Variants in FBXO21 observed in about 807,000 individuals in gnomAD.
FBXO21 encodes the protein F-box only protein 21.
FBXO21 carries 32 observed loss-of-function variants against 76.6 expected under a neutral mutation model. The observed-to-expected ratio is 0.42, with a 90% confidence interval of 0.32 to 0.56. The LOEUF (loss-of-function observed/expected upper bound fraction) is 0.56, where lower values mean the gene tolerates loss of function less well. FBXO21 is among the 20% of genes least tolerant of loss of function. The probability of loss-of-function intolerance (pLI) is 0.16; values close to 1 mark genes in which losing one functional copy is unlikely to be tolerated. For synonymous variants in FBXO21, 328 were observed against 311.5 expected, an observed-to-expected ratio of 1.05 and a Z score of -0.56; for missense variants, 586 against 797.3, an observed-to-expected ratio of 0.73 and a Z score of 3.19.
intron 7 of FBXO21, among the ~76,000 whole-genome samples, chr12:117,169,051 T>C (rs912135202): frequency 3.3e-5 from 5 of 152,162 alleles, no homozygotes; most frequent in Non-Finnish European, 7.3e-5. Context: ...CTATTCACAA[T>C]AGCAAAGACC....
intron 11 of FBXO21, among the ~76,000 whole-genome samples, chr12:117,153,319 T>A (rs1247602081): frequency 1.3e-5 from 2 of 151,670 alleles, no homozygotes; most frequent in African/African-American, 4.8e-5. Flanking sequence ...GTGTCACTAG[T>A]GAGATGGGGC....
rs1337009001 is a variant in FBXO21, at chr12:117,189,248, T to G, written c.354A>C (p.Ser118=). Residue 118 remains serine (S), a synonymous_variant, in exon 2 of 12, where the codon TCA becomes TCC. Transcript: ENST00000622495. ...TTACGTGCTCTGAAAAGAACCTCTT[T>G]GAGAACGAGGCTACAATCTTCCGCG... ...LEARKIVASF[S]KRFFSEHVPC... is the part of the protein sequence containing the mutation. 1 of 1,614,190 alleles carries G rather than the reference T, an allele frequency of 6.2e-7. No homozygotes were observed. The highest frequency in any genetic ancestry group is 8.5e-7 in the Non-Finnish European group (1 of 1,180,032).
chr12:117,147,616 A>T (rs1468340170), intron 11 of FBXO21, among the ~76,000 whole-genome samples: 8 of 147,534 alleles, frequency 5.4e-5, no homozygotes, highest in Non-Finnish European at 1.5e-5. Context: ...AAAAAAAAAA[A>T]AAGAGATAAT....
chr12:117,189,911 T>C (rs969275115), intron 1 of FBXO21, among the ~76,000 whole-genome samples: 1 of 152,136 alleles, frequency 6.6e-6, no homozygotes, highest in South Asian at 2.1e-4. Flanking sequence ...CATGTAAACA[T>C]TTCAGCCCGA....
rs190761472 is a variant in FBXO21 at position 117,163,037 on chromosome 12, G to T, written c.1326+2448C>A. Reference sequence around the variant, plus strand: ...AGAGTTTTCCTTGGCTGTCTCAGGGGCCCTAGCGGGATTATGCATTTATTA... The same window carrying T: ...AGAGTTTTCCTTGGCTGTCTCAGGGTCCCTAGCGGGATTATGCATTTATTA... On this transcript the variant is annotated intron_variant, in intron 9 of 11. Transcript: ENST00000622495. Among the ~76,000 whole-genome samples, 110 of 152,288 alleles carry T rather than the reference G, an allele frequency of 7.2e-4. No homozygotes were observed. The East Asian group carries it at 0.014, about 19-fold the overall frequency.
intron 7 of FBXO21, among the ~76,000 whole-genome samples, chr12:117,170,603 CCT>C (rs1175571956): frequency 6.6e-6 from 1 of 152,112 alleles, no homozygotes; most frequent in Non-Finnish European, 1.5e-5. Flanking sequence ...CTGCCTTGTC[CCT>C]GAGGGCTGAG....
Position 117,190,424 on chromosome 12 carries a change from C to G in FBXO21, c.33G>C (p.Glu11Asp). 1 of 1,455,912 alleles carries G rather than the reference C, an allele frequency of 6.9e-7. No homozygotes were observed. Among genetic ancestry groups the G allele is most frequent in the Non-Finnish European group, 9.1e-7 (1 of 1,097,530 alleles). 90.2% of individuals were successfully genotyped at this position (1,455,912 alleles called of 1,614,324 possible). ...CCTCCTCCGCCAGCGCCGGCACCAC[C>G]TCCATCGCGCTGTCGACTGCTGCCG... is the stretch of plus-strand genomic sequence containing the variant. The part of the protein sequence containing the change: MAAAAVDSAM[E>D]VVPALAEEAA... The change falls in exon 1 of 12, where the codon GAG becomes GAC. Residue 11 changes from glutamate (E) to aspartate (D), a missense_variant. Physicochemically the swap from Glu to Asp is conservative, Grantham distance 45. Transcript: ENST00000622495.
intron 1 of FBXO21, 136 bp downstream of exon 1, chr12:117,190,082 T>C (rs1310812963): frequency 1.0e-5 from 3 of 293,320 alleles, no homozygotes; most frequent in African/African-American, 4.6e-5. Flanking sequence ...GAGGCCTTTG[T>C]CTGTCTGTCC....
At chr12:117,155,726 G>A in intron 11 of FBXO21, 65 bp downstream of exon 11, 4 of 1,527,686 alleles carry the variant, frequency 2.6e-6, no homozygotes, top group Non-Finnish European at 3.5e-6. Flanking sequence ...ACCTACCCGA[G>A]GGCTCAAACG....
At chr12:117,169,275 G>A (rs183477932) in intron 7 of FBXO21, among the ~76,000 whole-genome samples, 57 of 152,250 alleles carry the variant, frequency 3.7e-4, no homozygotes, top group Admixed American at 3.7e-3. Flanking sequence ...TATGTGATGA[G>A]AACACATGGA....
intron 3 of FBXO21, among the ~76,000 whole-genome samples, chr12:117,181,564 AGTCT>A (rs1358195107): frequency 2.0e-5 from 3 of 150,194 alleles, no homozygotes; most frequent in Non-Finnish European, 4.4e-5. Flanking sequence ...TATCTGAGAC[AGTCT>A]ATCGATCGAT....
intron 9 of FBXO21, among the ~76,000 whole-genome samples, chr12:117,162,926 A>G (rs1042186817): frequency 7.9e-5 from 12 of 152,182 alleles, no homozygotes; most frequent in Admixed American, 2.6e-4. Context: ...TTCATTTTTC[A>G]AGGTCACACC....
intron 9 of FBXO21, among the ~76,000 whole-genome samples, chr12:117,161,986 T>C (rs900484259): frequency 1.5e-4 from 23 of 152,312 alleles, no homozygotes; most frequent in African/African-American, 4.1e-4. Context: ...CTGGCTTCCT[T>C]GGCAAGAACA....
rs746385545 is a variant in FBXO21 at position 117,174,391 on chromosome 12, C to G, written c.740-50G>C. 1.2e-5 allele frequency: 19 copies of G among 1,598,516 alleles called. No homozygotes were observed. In the South Asian group the frequency reaches 1.8e-4, roughly 15 times the overall value. On this transcript the variant is annotated intron_variant, in intron 5 of 11. Coordinates refer to ENST00000622495, the MANE Select transcript of FBXO21 (RefSeq NM_015002.3). ...GACCCAAGCACAAAAAAGGTTGTGA[C>G]AGGTGCCCCAAACAACTCACAACAT... is the stretch of plus-strand genomic sequence containing the variant.
intron 3 of FBXO21, among the ~76,000 whole-genome samples, chr12:117,184,799 T>C (rs1436369672): frequency 1.3e-5 from 2 of 152,146 alleles, no homozygotes; most frequent in African/African-American, 2.4e-5. Flanking sequence ...AAAGAGTAAG[T>C]AGACATTAAC....
Position 117,147,684 on chromosome 12 carries a change from G to A in FBXO21, c.1676-1407C>T, listed in dbSNP as rs550572862. Among the ~76,000 whole-genome samples, 58 of 152,082 alleles carry A rather than the reference G, an allele frequency of 3.8e-4. 1 individual carries two copies. The highest frequency in any genetic ancestry group is 1.2e-3 in the African/African-American group (51 of 41,494). Reference sequence around the variant, plus strand: ...ACTTCCCCAGAACACCTGGAACAAGGCTCCTCCACAGGGCCAGTTAAAGGA... The same window carrying A: ...ACTTCCCCAGAACACCTGGAACAAGACTCCTCCACAGGGCCAGTTAAAGGA... On this transcript the variant is annotated intron_variant, in intron 11 of 11. Coordinates refer to ENST00000622495, the MANE Select transcript of FBXO21 (RefSeq NM_015002.3).
At chr12:117,163,080 A>G (rs7957758) in intron 9 of FBXO21, among the ~76,000 whole-genome samples, 79,868 of 152,016 alleles carry the variant, frequency 0.53, 21,159 homozygotes, top group Admixed American at 0.63. Context: ...GCAGTCACAC[A>G]TGCGCTGGCA....
intron 9 of FBXO21, 50 bp downstream of exon 9, chr12:117,165,435 A>G (rs1466785028): frequency 4.4e-6 from 7 of 1,577,740 alleles, no homozygotes; most frequent in Non-Finnish European, 5.2e-6. Flanking sequence ...CCTTCAATCT[A>G]GGACTTCCCT....
intron 7 of FBXO21, among the ~76,000 whole-genome samples, chr12:117,168,536 A>T (rs767724763): frequency 4.6e-5 from 7 of 152,112 alleles, no homozygotes; most frequent in African/African-American, 9.7e-5. Flanking sequence ...AAAAATAAAA[A>T]AAAATAAAAT....
Sources: gnomAD v4.1 joint callset for allele counts (sites outside exome capture counted in the v4.1 genomes callset) on GRCh38, gnomAD v4.1.1 for gene constraint, MANE v1.5 for transcripts, NCBI Gene and HGNC (gene_info 2026-07-23, HGNC 2026-07-21) for gene names.